The following HTR2C variants were observed in gnomAD, a reference collection of about 807,000 sequenced individuals.
HTR2C encodes the protein 5-hydroxytryptamine receptor 2C.
HTR2C carries 5 observed loss-of-function variants against 21.0 expected under a neutral mutation model. That is an observed-to-expected ratio of 0.24 (90% confidence interval 0.12 to 0.50). HTR2C has a LOEUF of 0.50. Among genes scored for constraint, HTR2C ranks in the 20% least tolerant of loss-of-function variants. HTR2C has a pLI of 0.98. For synonymous variants in HTR2C, 150 were observed against 145.3 expected (o/e 1.03, Z -0.23); for missense variants, 271 against 371.2 (o/e 0.73, Z 2.22).
intron 2 of HTR2C, among the ~76,000 whole-genome samples, chrX:114,703,927 A>C (rs1357848048): frequency 9.1e-6 from 1 of 109,666 alleles, no homozygotes; most frequent in Non-Finnish European, 1.9e-5. Context: ...AATACTACAA[A>C]CACCTCTACG....
chrX:114,842,137 G>T (rs1459400894), intron 4 of HTR2C, among the ~76,000 whole-genome samples: 10 of 112,186 alleles, frequency 8.9e-5, no homozygotes, highest in Non-Finnish European at 1.9e-4. Flanking sequence ...AAATGAAGAA[G>T]AAACCCACTG....
intron 4 of HTR2C, among the ~76,000 whole-genome samples, chrX:114,844,830 A>G (rs2070861821): frequency 8.9e-6 from 1 of 111,893 alleles, no homozygotes; most frequent in Non-Finnish European, 1.9e-5. Flanking sequence ...TTATAAACAT[A>G]TATGTACCTA....
intron 1 of HTR2C, among the ~76,000 whole-genome samples, chrX:114,609,144 A>G (rs782482484): frequency 9.0e-6 from 1 of 111,648 alleles, no homozygotes; most frequent in East Asian, 2.8e-4. Context: ...GGCCACTAAC[A>G]TCACTAATAA....
intron 4 of HTR2C, among the ~76,000 whole-genome samples, chrX:114,840,677 A>T (rs1483570137): frequency 8.9e-6 from 1 of 111,945 alleles, no homozygotes; most frequent in Non-Finnish European, 1.9e-5. Flanking sequence ...CATGAAGCTC[A>T]GCAAATACCA....
At chrX:114,759,774 C>G (rs1164227724) in intron 4 of HTR2C, among the ~76,000 whole-genome samples, 2 of 111,217 alleles carry the variant, frequency 1.8e-5, no homozygotes, top group African/African-American at 6.5e-5. Context: ...CTTGCTTGCT[C>G]TAGGGTCTGA....
At chrX:114,727,287 G>A (rs1196707524) in intron 3 of HTR2C, among the ~76,000 whole-genome samples, 1 of 111,924 alleles carries the variant, frequency 8.9e-6, no homozygotes, top group East Asian at 2.8e-4. Context: ...AAAAATTTCT[G>A]TCCTTTTCCT....
intron 4 of HTR2C, chrX:114,775,842 G>A: frequency 2.6e-6 from 1 of 386,417 alleles, no homozygotes; most frequent in East Asian, 4.6e-5. Flanking sequence ...ACAGGGCCAA[G>A]GGTGCCATGG....
chrX:114,608,324 A>G lies in HTR2C; in HGVS notation c.-146-5491A>G, dbSNP rs147959950. Among the ~76,000 whole-genome samples, 686 of 111,325 alleles carry G rather than the reference A, an allele frequency of 6.2e-3. 2 individuals are homozygous for G. Among genetic ancestry groups the G allele is most frequent in the African/African-American group, 0.021 (638 of 30,626 alleles). On this transcript the variant is annotated intron_variant, in intron 1 of 5. Coordinates refer to ENST00000276198, the MANE Select transcript of HTR2C (RefSeq NM_000868.4). ...TGTGTAGAATTCAGTGGTTTTTAGTATACTCAGAGTTGTATAATCATCATC... is the reference window on the plus strand; with the variant it reads ...TGTGTAGAATTCAGTGGTTTTTAGTGTACTCAGAGTTGTATAATCATCATC...
chrX:114,834,232 C>T (rs2070758030), intron 4 of HTR2C, among the ~76,000 whole-genome samples: 1 of 110,311 alleles, frequency 9.1e-6, no homozygotes, highest in African/African-American at 3.3e-5. Flanking sequence ...TGATGCAAGG[C>T]TGAGTTCAAT....
intron 1 of HTR2C, among the ~76,000 whole-genome samples, chrX:114,611,006 C>G (rs1051133070): frequency 1.3e-4 from 15 of 111,901 alleles, no homozygotes; most frequent in African/African-American, 4.5e-4. Context: ...TCAGAAAACA[C>G]TCTCAGTTGA....
chrX:114,823,225 G>C (rs2070650280), intron 4 of HTR2C, among the ~76,000 whole-genome samples: 1 of 111,593 alleles, frequency 9.0e-6, no homozygotes, highest in Admixed American at 9.6e-5. Context: ...TAATTGGTGG[G>C]AAATGATATT....
At chrX:114,828,990 G>T (rs2070699516) in intron 4 of HTR2C, among the ~76,000 whole-genome samples, 1 of 111,398 alleles carries the variant, frequency 9.0e-6, no homozygotes, top group Non-Finnish European at 1.9e-5. Context: ...TAGATATTTG[G>T]GTTGTTTCCT....
At chrX:114,894,915 C>T (rs1556483711) in intron 5 of HTR2C, among the ~76,000 whole-genome samples, 1 of 110,707 alleles carries the variant, frequency 9.0e-6, no homozygotes, top group Non-Finnish European at 1.9e-5. Context: ...GACGGGGTTT[C>T]ACCGTGTTGG....
intron 1 of HTR2C, among the ~76,000 whole-genome samples, chrX:114,586,125 A>G (rs1556389610): frequency 8.9e-6 from 1 of 112,201 alleles, no homozygotes; most frequent in Non-Finnish European, 1.9e-5. Context: ...GTAGTTGGCT[A>G]CATATGTGTA....
chrX:114,727,661 G>C (rs2069496505), intron 3 of HTR2C, among the ~76,000 whole-genome samples: 1 of 111,978 alleles, frequency 8.9e-6, no homozygotes, highest in Non-Finnish European at 1.9e-5. Context: ...TGGTATAGTT[G>C]AGAAACCCCA....
chrX:114,591,582 T>C (rs1556391189), intron 1 of HTR2C, among the ~76,000 whole-genome samples: 1 of 111,833 alleles, frequency 8.9e-6, no homozygotes, highest in Non-Finnish European at 1.9e-5. Context: ...TTCCTGCTTC[T>C]ACTACCAAAC....
In HTR2C at chrX:114,910,059, T is replaced by G. The variant is rs1365801753; in HGVS notation, c.*2644T>G. On this transcript the variant is annotated 3_prime_UTR_variant, in exon 6 of 6. Coordinates refer to ENST00000276198, the MANE Select transcript of HTR2C (RefSeq NM_000868.4). Reference sequence around the variant, plus strand: ...ATTAATTTATTAAATTTATTAAATGTTGGCTAATATGTCACATGTCTTTTT... The same window carrying G: ...ATTAATTTATTAAATTTATTAAATGGTGGCTAATATGTCACATGTCTTTTT... The G allele has an allele frequency of 1.5e-4, 17 of 112,082 alleles. No homozygotes were observed. The highest frequency in any genetic ancestry group is 3.8e-5 in the Non-Finnish European group (2 of 53,209). The allele number at this position is 112,082 out of a possible 1,213,427, so 9.2% of individuals were successfully genotyped here. A position where few individuals can be genotyped will look rare whatever the true frequency, so the allele number is the denominator to read the frequency against.
At chrX:114,645,281 A>G (rs1015052185) in intron 2 of HTR2C, among the ~76,000 whole-genome samples, 1 of 111,100 alleles carries the variant, frequency 9.0e-6, no homozygotes, top group Non-Finnish European at 1.9e-5. Flanking sequence ...ATAGAAGAAA[A>G]TTGCTATATT....
At chrX:114,609,854 C>A (rs782431115) in intron 1 of HTR2C, among the ~76,000 whole-genome samples, 13 of 111,757 alleles carry the variant, frequency 1.2e-4, no homozygotes, top group Non-Finnish European at 2.1e-4. Flanking sequence ...AAATAATCTA[C>A]AGTGATAGAA....
Sources: allele counts gnomAD v4.1 joint callset (sites outside exome capture counted in the v4.1 genomes callset), GRCh38; gene constraint gnomAD v4.1.1; transcripts MANE v1.5; gene names NCBI Gene and HGNC (gene_info 2026-07-23, HGNC 2026-07-21).